PLXNA2: variants seen among roughly 807,000 people sequenced by gnomAD.
The protein encoded by PLXNA2 is plexin A2.
A neutral mutation model predicts 193.5 loss-of-function variants in PLXNA2; 91 were observed. The observed-to-expected ratio is 0.47, with a 90% CI of 0.40 to 0.56. The LOEUF (loss-of-function observed/expected upper bound fraction) is 0.56. PLXNA2 is among the 20% of genes least tolerant of loss of function. PLXNA2 has a pLI of 0.00. For missense variants in PLXNA2, 1,995 were observed against 2,503.2 expected, an observed-to-expected ratio of 0.80 and a Z score of 4.33; for synonymous variants, 997 against 1,027.3, an observed-to-expected ratio of 0.97 and a Z score of 0.56.
At chr1:208,127,417 G>T (rs942067903) in intron 4 of PLXNA2, among the ~76,000 whole-genome samples, 2 of 152,188 alleles carry the variant, frequency 1.3e-5, no homozygotes, top group Non-Finnish European at 2.9e-5. Flanking sequence ...GCCTTCCAGG[G>T]ACCAATGTGG....
At chr1:208,161,761 C>T (rs1669112759) in intron 3 of PLXNA2, among the ~76,000 whole-genome samples, 2 of 152,142 alleles carry the variant, frequency 1.3e-5, no homozygotes, top group African/African-American at 4.8e-5. Context: ...TCTTGGTTCT[C>T]ATCACATTCA....
At chr1:208,219,416 C>A (rs1029417372) in intron 1 of PLXNA2, among the ~76,000 whole-genome samples, 1 of 152,202 alleles carries the variant, frequency 6.6e-6, no homozygotes, top group Non-Finnish European at 1.5e-5. Context: ...GAGAAGGCAG[C>A]GAGCTGTCCG....
chr1:208,146,208 C>T (rs1161246473), intron 3 of PLXNA2, among the ~76,000 whole-genome samples: 1 of 152,152 alleles, frequency 6.6e-6, no homozygotes, highest in African/African-American at 2.4e-5. Context: ...GGCCTCAGGC[C>T]TCCTGGGTTT....
intron 22 of PLXNA2, 94 bp downstream of exon 22, chr1:208,042,004 C>A (rs1380925011): frequency 2.2e-6 from 3 of 1,335,794 alleles, no homozygotes; most frequent in African/African-American, 1.5e-5. Context: ...GGGGAGTGGG[C>A]CTTCTCATGC....
chr1:208,033,256 T>G, intron 28 of PLXNA2, 63 bp downstream of exon 28: 1 of 1,425,410 alleles, frequency 7.0e-7, no homozygotes, highest in Non-Finnish European at 9.8e-7. Flanking sequence ...CTTTCTGTGT[T>G]GTGGAGGGGC....
At chr1:208,154,387 T>C (rs1668871344) in intron 3 of PLXNA2, among the ~76,000 whole-genome samples, 1 of 152,186 alleles carries the variant, frequency 6.6e-6, no homozygotes, top group Non-Finnish European at 1.5e-5. Context: ...GTGCAGCCTC[T>C]ATTCTTCTCC....
chr1:208,225,189 C>T (rs979268035), intron 1 of PLXNA2, among the ~76,000 whole-genome samples: 9 of 152,160 alleles, frequency 5.9e-5, no homozygotes, highest in African/African-American at 1.4e-4. Flanking sequence ...AGCAAGAAAG[C>T]GAGGGATTGA....
intron 2 of PLXNA2, among the ~76,000 whole-genome samples, chr1:208,215,809 C>G (rs1377572415): frequency 6.6e-6 from 1 of 152,120 alleles, no homozygotes; most frequent in African/African-American, 2.4e-5. Flanking sequence ...AAGAGTGGAT[C>G]ATGAATACTT....
chr1:208,176,167 C>G (rs1184751035), intron 3 of PLXNA2, among the ~76,000 whole-genome samples: 1 of 152,144 alleles, frequency 6.6e-6, no homozygotes, highest in Non-Finnish European at 1.5e-5. Flanking sequence ...GCTTCTAGCA[C>G]TGGTTCCCAT....
intron 4 of PLXNA2, among the ~76,000 whole-genome samples, chr1:208,108,993 G>A (rs1667371736): frequency 6.6e-6 from 1 of 152,190 alleles, no homozygotes; most frequent in Non-Finnish European, 1.5e-5. Context: ...CCAAGATTGA[G>A]AATTTAATCT....
At chr1:208,137,114 CT>C (rs1194936675) in intron 4 of PLXNA2, among the ~76,000 whole-genome samples, 1 of 152,164 alleles carries the variant, frequency 6.6e-6, no homozygotes, top group Non-Finnish European at 1.5e-5. Flanking sequence ...CTCTCCAGGC[CT>C]TGAAGTAGAG....
At chr1:208,058,140 A>G (rs1665500811) in intron 13 of PLXNA2, among the ~76,000 whole-genome samples, 2 of 152,276 alleles carry the variant, frequency 1.3e-5, no homozygotes, top group East Asian at 1.9e-4. Flanking sequence ...TCTCACATCC[A>G]TCCCGCAATG....
intron 3 of PLXNA2, among the ~76,000 whole-genome samples, chr1:208,174,456 A>G (rs1669597226): frequency 6.6e-6 from 1 of 152,018 alleles, no homozygotes; most frequent in African/African-American, 2.4e-5. Context: ...GGAAGAAGGC[A>G]TTGTCAAACT....
intron 4 of PLXNA2, among the ~76,000 whole-genome samples, chr1:208,113,005 C>CAAAAAAAAAA (rs5780433): frequency 8.7e-6 from 1 of 114,652 alleles, no homozygotes. Flanking sequence ...GAAGGACCTA[C>CAAAAAAAAAA]AAAAAAAAAA....
rs774736107 is a variant in PLXNA2 at position 208,038,841 on chromosome 1, T to G, written c.4644A>C (p.Ala1548=). 1.9e-6 allele frequency: 3 copies of G among 1,614,052 alleles called. No individual in the cohort carries two copies. The highest frequency in any genetic ancestry group is 1.1e-5 in the South Asian group (1 of 91,076). Residue 1548 remains alanine (A), a synonymous_variant, in exon 25 of 32, where the codon GCA becomes GCC. Transcript: ENST00000367033. The surrounding 1 kb of genome is among the most constrained non-coding windows in gnomAD (Gnocchi z 4.1). ...GTTTCCTACCCAAGTCCATGTCCAC[T>G]GCCCTCGGCCGCTGGGAATAGGGCA... ...KNVPYSQRPR[A]VDMDLEWRQG...
Position 208,025,941 on chromosome 1 carries a change from C to G in PLXNA2, c.*1302G>C, listed in dbSNP as rs1287246528. On this transcript the variant is annotated 3_prime_UTR_variant, in exon 32 of 32. Coordinates refer to ENST00000367033, the MANE Select transcript of PLXNA2 (RefSeq NM_025179.4). The stretch of plus-strand genomic sequence containing the variant: ...TTCTACTGAGGAAGTGCTGTAGGCC[C>G]AGATGGTCAGGAGCTTCCGTATATG... 2.0e-4 allele frequency: 31 copies of G among 152,616 alleles called. No individual in the cohort carries two copies. The highest frequency in any genetic ancestry group is 2.0e-3 in the Admixed American group (31 of 15,278). The allele number at this position is 152,616 out of a possible 1,614,324, so 9.5% of individuals were successfully genotyped here.
chr1:208,128,302 A>T (rs3991423), intron 4 of PLXNA2, among the ~76,000 whole-genome samples: 81,107 of 151,912 alleles, frequency 0.53, 21,972 homozygotes, highest in Non-Finnish European at 0.55. Flanking sequence ...AAAATGGGCA[A>T]CGTGTTAGTT....
chr1:208,099,320 C>T (rs1449276976), intron 5 of PLXNA2, among the ~76,000 whole-genome samples: 1 of 152,228 alleles, frequency 6.6e-6, no homozygotes, highest in Admixed American at 6.5e-5. Flanking sequence ...TGAAAGTTCA[C>T]TCCACAGTGC....
intron 1 of PLXNA2, among the ~76,000 whole-genome samples, chr1:208,229,446 G>A (rs1294471455): frequency 1.3e-5 from 2 of 152,180 alleles, no homozygotes; most frequent in East Asian, 3.9e-4. Context: ...GCGAGGGGGT[G>A]CCCAGGTGTG....
Sources: gnomAD v4.1 joint callset for allele counts (sites outside exome capture counted in the v4.1 genomes callset) on GRCh38, gnomAD v4.1.1 for gene constraint, Gnocchi (gnomAD v3.1) non-coding constraint, MANE v1.5 for transcripts, NCBI Gene and HGNC (gene_info 2026-07-23, HGNC 2026-07-21) for gene names.